NIBAN2: variants seen among roughly 807,000 people sequenced by gnomAD.
The protein encoded by NIBAN2 is niban apoptosis regulator 2.
A neutral mutation model predicts 81.8 loss-of-function variants in NIBAN2; 36 were observed. The observed-to-expected ratio is 0.44, with a 90% CI of 0.34 to 0.58. The LOEUF (loss-of-function observed/expected upper bound fraction) is 0.58. Among genes scored for constraint, NIBAN2 ranks in the 20% least tolerant of loss-of-function variants. The probability of loss-of-function intolerance (pLI) is 0.02; values close to 1 mark genes in which losing one functional copy is unlikely to be tolerated. For synonymous variants in NIBAN2, 445 were observed against 441.6 expected (o/e 1.01, Z -0.10); for missense variants, 897 against 1,014.1 (o/e 0.88, Z 1.57).
At chr9:127,518,581 C>A (rs1305972574) in intron 5 of NIBAN2, among the ~76,000 whole-genome samples, 2 of 152,248 alleles carry the variant, frequency 1.3e-5, no homozygotes, top group Non-Finnish European at 2.9e-5. Flanking sequence ...ACTTTGTTGA[C>A]AGAAACAGGC....
Position 127,506,703 on chromosome 9 carries a change from G to T in NIBAN2, c.*142C>A. ...GAACCCAATAAAGTGACTCAGGTGG[G>T]CCCGCTCCCTGGCGGTGCCACACAG... is the stretch of plus-strand genomic sequence containing the variant. On this transcript the variant is annotated 3_prime_UTR_variant, in exon 14 of 14. Coordinates refer to ENST00000373312, the MANE Select transcript of NIBAN2 (RefSeq NM_022833.4). 1 of 620,734 alleles carries T rather than the reference G, an allele frequency of 1.6e-6. No homozygotes were observed. Among genetic ancestry groups the T allele is most frequent in the Non-Finnish European group, 2.6e-6 (1 of 381,490 alleles). 38.5% of individuals were successfully genotyped at this position (620,734 alleles called of 1,614,324 possible).
Position 127,540,855 on chromosome 9 carries a change from C to A in NIBAN2, c.56-9077G>T, listed in dbSNP as rs576395337. Among the ~76,000 whole-genome samples the A allele has an allele frequency of 2.0e-5, 3 of 152,344 alleles. No homozygotes were observed. In the South Asian group the frequency reaches 6.2e-4, roughly 32 times the overall value. ...GCTCATCCGGTCTCTCCAGTGGGCTCCAGGGACACACCTCACCCACGAGGC... is the reference window on the plus strand; with the variant it reads ...GCTCATCCGGTCTCTCCAGTGGGCTACAGGGACACACCTCACCCACGAGGC... On this transcript the variant is annotated intron_variant, in intron 1 of 13. Transcript: ENST00000373312.
At position 127,506,617 on chromosome 9, in the gene NIBAN2, C is replaced by A. The variant is rs1836599775; in HGVS notation, c.*228G>T. ...GGCACAAGCAGGAAAACCCCAAAAC[C>A]AGCCCCTGCATCTGAGATCATCCCA... On this transcript the variant is annotated 3_prime_UTR_variant, in exon 14 of 14. Transcript: ENST00000373312. 2 of 430,922 alleles carry A rather than the reference C, an allele frequency of 4.6e-6. No homozygotes were observed. Among genetic ancestry groups the A allele is most frequent in the Non-Finnish European group, 8.2e-6 (2 of 245,178 alleles). 26.7% of individuals were successfully genotyped at this position (430,922 alleles called of 1,614,324 possible).
In NIBAN2 at chr9:127,523,193, ATATATATATATAT is replaced by A. The variant is rs1419788144; in HGVS notation, c.589+473_589+485del. On this transcript the variant is annotated intron_variant, in intron 5 of 13. Coordinates refer to ENST00000373312, the MANE Select transcript of NIBAN2 (RefSeq NM_022833.4). ...TTAAAAAAAAAAAAAAAAAAAAAAA[ATATATATATATAT>A]ATATATATATATATATATATATATA... 6.6e-3 allele frequency among the ~76,000 whole-genome samples: 53 copies of A among 7,994 alleles called. 13 individuals are homozygous for A. Among genetic ancestry groups the A allele is most frequent in the East Asian group, 8.6e-3 (1 of 116 alleles). The allele number at this position is 7,994 out of a possible 152,430, so 5.2% of individuals were successfully genotyped here.
In NIBAN2 at chr9:127,577,710, T is replaced by TTTTGTTTGTTTG. The variant is rs376947080; in HGVS notation, c.16+1200_16+1211dup. ...CAAAATGGGCTTCTCTGCTATATCTTTTTGTTTGTTTGTTTGTTTCAGGGA... is the reference window on the plus strand; with the variant it reads ...CAAAATGGGCTTCTCTGCTATATCTTTTTGTTTGTTTGTTTGTTTGTTTGTTTGTTTCAGGGA... On this transcript the variant is annotated intron_variant, in intron 1 of 13. Transcript: ENST00000373314. Among the ~76,000 whole-genome samples the TTTTGTTTGTTTG allele has an allele frequency of 4.3e-3, 649 of 151,974 alleles. 8 individuals are homozygous for TTTTGTTTGTTTG. In the East Asian group the frequency reaches 0.063, roughly 15 times the overall value.
At chr9:127,519,821 C>A (rs985182996) in intron 5 of NIBAN2, among the ~76,000 whole-genome samples, 1 of 152,164 alleles carries the variant, frequency 6.6e-6, no homozygotes, top group African/African-American at 2.4e-5. Context: ...GGAAGGAGGT[C>A]CCCCCGCCAC....
At chr9:127,530,625 A>G (rs1837160881) in intron 2 of NIBAN2, among the ~76,000 whole-genome samples, 1 of 152,206 alleles carries the variant, frequency 6.6e-6, no homozygotes, top group Admixed American at 6.5e-5. Context: ...GCATCCTACT[A>G]TTTATATCAT....
At chr9:127,576,780 T>C (rs751893004) in intron 1 of NIBAN2, among the ~76,000 whole-genome samples, 12 of 151,460 alleles carry the variant, frequency 7.9e-5, no homozygotes, top group Middle Eastern at 3.4e-3. Context: ...AGTCTTGCTC[T>C]GTCACCAGGC....
rs1837735719 is a variant in NIBAN2, at chr9:127,559,636, GA to G, written c.55+9183del. 6.6e-6 allele frequency among the ~76,000 whole-genome samples: 1 copy of G among 152,230 alleles called. No individual in the cohort carries two copies. Among genetic ancestry groups the G allele is most frequent in the Non-Finnish European group, 1.5e-5 (1 of 68,038 alleles). ...CTCAGCATGGGGCATGGGAAAGATG[GA>G]CAGCAGCTGCAGTTGGCTTGGCCAC... On this transcript the variant is annotated intron_variant, in intron 1 of 13. Coordinates refer to ENST00000373312, the MANE Select transcript of NIBAN2 (RefSeq NM_022833.4). This position sits in a 1 kb window ranked among gnomAD's most constrained non-coding sequence, Gnocchi z 4.0.
At chr9:127,567,187 A>G (rs558662913) in intron 1 of NIBAN2, among the ~76,000 whole-genome samples, 8 of 151,932 alleles carry the variant, frequency 5.3e-5, no homozygotes, top group Non-Finnish European at 1.0e-4. Context: ...GAGGCCCAGC[A>G]CTGAGTATGG....
chr9:127,519,259 A>AC (rs1442432888), intron 5 of NIBAN2, among the ~76,000 whole-genome samples: 1 of 151,166 alleles, frequency 6.6e-6, no homozygotes, highest in African/African-American at 2.4e-5. Context: ...AATTTTTGTC[A>AC]CTGTTGGTGC....
chr9:127,519,282 A>G (rs1216533846), intron 5 of NIBAN2, among the ~76,000 whole-genome samples: 1 of 151,948 alleles, frequency 6.6e-6, no homozygotes, highest in African/African-American at 2.4e-5. Flanking sequence ...TCAGTGGCCC[A>G]AACGCCAGCA....
At chr9:127,524,563 C>CGCTGGAATCCAGGAATGCT (rs562547978) in intron 4 of NIBAN2, among the ~76,000 whole-genome samples, 4 of 152,106 alleles carry the variant, frequency 2.6e-5, no homozygotes, top group African/African-American at 4.8e-5. Flanking sequence ...GCCAGAGTCA[C>CGCTGGAATCCAGGAATGCT]GCTGGAATCC....
intron 2 of NIBAN2, among the ~76,000 whole-genome samples, chr9:127,530,483 C>T (rs1837158055): frequency 2.0e-5 from 3 of 151,826 alleles, no homozygotes; most frequent in Admixed American, 2.0e-4. Flanking sequence ...CCGCCCCCGG[C>T]CCCGTGTCCG....
At chr9:127,533,928 C>T (rs572214338) in intron 1 of NIBAN2, among the ~76,000 whole-genome samples, 4 of 152,350 alleles carry the variant, frequency 2.6e-5, no homozygotes, top group South Asian at 2.1e-4. Flanking sequence ...GTCTTCTGCG[C>T]GGTTTCTGAA....
intron 1 of NIBAN2, among the ~76,000 whole-genome samples, chr9:127,549,222 C>T (rs567880534): frequency 2.6e-5 from 4 of 152,324 alleles, no homozygotes; most frequent in South Asian, 4.1e-4. Flanking sequence ...ATCAGCCAAG[C>T]ACCCTCTACT....
chr9:127,532,520 T>C lies in NIBAN2; in HGVS notation c.56-742A>G, dbSNP rs777849165. 4.3e-4 allele frequency among the ~76,000 whole-genome samples: 65 copies of C among 151,750 alleles called. No individual in the cohort carries two copies. In the Middle Eastern group the frequency reaches 0.017, roughly 40 times the overall value. ...CTGAGGCAGGAGAATCACTTGAACC[T>C]GGAAGTTTGGTGGAAGGCGGAGGTT... On this transcript the variant is annotated intron_variant, in intron 1 of 13. Coordinates refer to ENST00000373312, the MANE Select transcript of NIBAN2 (RefSeq NM_022833.4).
At position 127,517,029 on chromosome 9, in the gene NIBAN2, G is replaced by A. The variant is rs201108907; in HGVS notation, c.811-10C>T. 1,141 of 1,612,554 alleles carry A rather than the reference G, an allele frequency of 7.1e-4. 17 individuals are homozygous for A. The East Asian group carries it at 0.024, about 34-fold the overall frequency. On this transcript the variant is annotated splice_polypyrimidine_tract_variant and intron_variant, in intron 7 of 13. Coordinates refer to ENST00000373312, the MANE Select transcript of NIBAN2 (RefSeq NM_022833.4). This position sits in a 1 kb window ranked among gnomAD's most constrained non-coding sequence, Gnocchi z 4.0. ...ACACGGCGTCCGAGATCTGTGGGCAGAGCAGCTGAATTGGCACCAGGGCTG... is the reference window on the plus strand; with the variant it reads ...ACACGGCGTCCGAGATCTGTGGGCAAAGCAGCTGAATTGGCACCAGGGCTG...
At chr9:127,555,720 G>A (rs892380587) in intron 1 of NIBAN2, among the ~76,000 whole-genome samples, 3 of 152,252 alleles carry the variant, frequency 2.0e-5, no homozygotes, top group African/African-American at 7.2e-5. Flanking sequence ...TGTGACAGGA[G>A]AGCAAACCAC....
Sources: allele counts gnomAD v4.1 joint callset (sites outside exome capture counted in the v4.1 genomes callset), GRCh38; gene constraint gnomAD v4.1.1; non-coding constraint Gnocchi (gnomAD v3.1); transcripts MANE v1.5; gene names NCBI Gene and HGNC (gene_info 2026-07-23, HGNC 2026-07-21).